Variants in JDP2 observed in about 807,000 individuals in gnomAD.
The protein encoded by JDP2 is Jun dimerization protein 2, also known as progesterone receptor co-activator.
A neutral mutation model predicts 17.1 loss-of-function variants in JDP2; 9 were observed. The ratio of observed to expected loss-of-function variants is 0.53; its 90% confidence interval spans 0.32 to 0.92. The LOEUF (loss-of-function observed/expected upper bound fraction) is 0.92, where lower values mean the gene tolerates loss of function less well. Among genes scored for constraint, JDP2 ranks in the 40% least tolerant of loss-of-function variants. The pLI, the probability that JDP2 is intolerant of heterozygous loss-of-function variation, is 0.04. For missense variants in JDP2, 179 were observed against 220.0 expected, an observed-to-expected ratio of 0.81 and a Z score of 1.18; for synonymous variants, 107 against 95.6, an observed-to-expected ratio of 1.12 and a Z score of -0.69.
chr14:75,465,393 A>G (rs914176544), intron 3 of JDP2, among the ~76,000 whole-genome samples: 3 of 152,198 alleles, frequency 2.0e-5, no homozygotes, highest in Non-Finnish European at 4.4e-5. Flanking sequence ...GTGCAGTAGC[A>G]TAGTCATAGC....
intron 2 of JDP2, among the ~76,000 whole-genome samples, chr14:75,448,822 T>C (rs1242589041): frequency 6.6e-6 from 1 of 152,202 alleles, no homozygotes; most frequent in Non-Finnish European, 1.5e-5. Context: ...TTCTCAGCAG[T>C]TCTGGTCTGA....
chr14:75,461,326 G>T, intron 2 of JDP2, 100 bp from the exon 3 acceptor site: 1 of 826,056 alleles, frequency 1.2e-6, no homozygotes, highest in Non-Finnish European at 2.0e-6. Context: ...GCCGAGATGT[G>T]GGTTAGAAAG....
chr14:75,469,184 A>T (rs982784571), intron 3 of JDP2, 106 bp from the exon 4 acceptor site: 1 of 1,023,230 alleles, frequency 9.8e-7, no homozygotes. Flanking sequence ...CCTGCAGAAA[A>T]CAGGCCAGTG....
chr14:75,437,517 T>A (rs1885123882), intron 1 of JDP2, among the ~76,000 whole-genome samples: 1 of 152,212 alleles, frequency 6.6e-6, no homozygotes, highest in Admixed American at 6.5e-5. Context: ...TGTACAACCT[T>A]AAGCGAATTA....
chr14:75,434,648 T>C (rs1423887673), intron 1 of JDP2, among the ~76,000 whole-genome samples: 3 of 152,076 alleles, frequency 2.0e-5, no homozygotes, highest in African/African-American at 7.3e-5. Context: ...ATTTCTACCA[T>C]CTGTATGAGA....
chr14:75,434,378 A>G (rs963810671), intron 1 of JDP2, among the ~76,000 whole-genome samples: 13 of 152,036 alleles, frequency 8.6e-5, no homozygotes, highest in Non-Finnish European at 1.3e-4. Context: ...TAGGAATGGC[A>G]TGGCTGAGGG....
upstream of JDP2, chr14:75,427,030 TCTAC>T (rs1884557884): frequency 6.6e-6 from 1 of 152,326 alleles, no homozygotes; most frequent in South Asian, 2.1e-4. The surrounding 1 kb of genome is among the most constrained non-coding windows in gnomAD (Gnocchi z 4.4). Context: ...GGAACCCCGT[TCTAC>T]CTGAGGGCTC....
chr14:75,438,290 A>G (rs949606997), intron 2 of JDP2, among the ~76,000 whole-genome samples, 169 bp downstream of exon 2: 1 of 152,202 alleles, frequency 6.6e-6, no homozygotes, highest in African/African-American at 2.4e-5. Flanking sequence ...CTGTATCAGA[A>G]TCTGCATCTT....
chr14:75,446,818 G>A (rs908779057), intron 2 of JDP2, among the ~76,000 whole-genome samples: 85 of 152,184 alleles, frequency 5.6e-4, no homozygotes, highest in Non-Finnish European at 6.9e-4. Flanking sequence ...GTGTGAGTTT[G>A]ATCTCAATAA....
chr14:75,430,888 CTG>C lies in JDP2; in HGVS notation c.-24+2640_-24+2641del, dbSNP rs1884766444. On this transcript the variant is annotated intron_variant, in intron 1 of 3. Coordinates refer to ENST00000651602, the MANE Select transcript of JDP2 (RefSeq NM_001135048.2). The surrounding 1 kb of genome is among the most constrained non-coding windows in gnomAD (Gnocchi z 4.5). The stretch of plus-strand genomic sequence containing the variant: ...GCGACCCAGTCTTGGAATTTTCAGA[CTG>C]TGTTTCTTTACTTATTGCTGGCTGT... Among the ~76,000 whole-genome samples the C allele has an allele frequency of 6.6e-6, 1 of 152,150 alleles. No individual in the cohort carries two copies. The highest frequency in any genetic ancestry group is 1.5e-5 in the Non-Finnish European group (1 of 68,030).
At chr14:75,435,842 C>A in intron 1 of JDP2, among the ~76,000 whole-genome samples, 1 of 152,066 alleles carries the variant, frequency 6.6e-6, no homozygotes, top group South Asian at 2.1e-4. Context: ...ATGGGAGGCA[C>A]AGTAGGTAGA....
chr14:75,452,807 G>A (rs936358708), intron 2 of JDP2, among the ~76,000 whole-genome samples: 1 of 152,150 alleles, frequency 6.6e-6, no homozygotes, highest in South Asian at 2.1e-4. Context: ...GAGGTGATGT[G>A]AGTCTGCAAC....
intron 3 of JDP2, among the ~76,000 whole-genome samples, chr14:75,466,269 T>A (rs1189495552): frequency 6.6e-6 from 1 of 152,180 alleles, no homozygotes; most frequent in Non-Finnish European, 1.5e-5. Flanking sequence ...AGTGAAACCC[T>A]GTCTCTACTA....
intron 3 of JDP2, among the ~76,000 whole-genome samples, chr14:75,466,111 C>A (rs1886559422): frequency 6.6e-6 from 1 of 152,138 alleles, no homozygotes; most frequent in Non-Finnish European, 1.5e-5. Context: ...ACTAATAACT[C>A]TTTGAGTGTG....
At position 75,469,373 on chromosome 14, in the gene JDP2, G is replaced by A; in HGVS notation, c.390G>A (p.Leu130=). ...ELKQERQQLI[L]MLNRHRPTCI... ...AGCAGGAGCGGCAGCAGCTCATCCT[G>A]ATGCTGAACCGACACCGCCCCACCT... Residue 130 remains leucine, a synonymous_variant, in exon 4 of 4, where the codon CTG becomes CTA. Coordinates refer to ENST00000651602, the MANE Select transcript of JDP2 (RefSeq NM_001135048.2). The A allele has an allele frequency of 6.2e-7, 1 of 1,614,168 alleles. No homozygotes were observed. Among genetic ancestry groups the A allele is most frequent in the Non-Finnish European group, 8.5e-7 (1 of 1,180,012 alleles).
rs1404026192 is a variant in JDP2, at chr14:75,470,208, A to G, written c.*733A>G. The G allele has an allele frequency of 2.6e-5, 4 of 151,944 alleles. No individual in the cohort carries two copies. The highest frequency in any genetic ancestry group is 5.9e-5 in the Non-Finnish European group (4 of 67,930). The allele number at this position is 151,944 out of a possible 1,614,324, so 9.4% of individuals were successfully genotyped here. Reference sequence around the variant, plus strand: ...TTTTTTTAATATTTTTTACAAAAAAAAAGATTTTATACAAGCAATATATAT... The same window carrying G: ...TTTTTTTAATATTTTTTACAAAAAAGAAGATTTTATACAAGCAATATATAT... On this transcript the variant is annotated 3_prime_UTR_variant, in exon 4 of 4. Coordinates refer to ENST00000651602, the MANE Select transcript of JDP2 (RefSeq NM_001135048.2).
intron 1 of JDP2, among the ~76,000 whole-genome samples, chr14:75,433,127 G>A (rs1339007384): frequency 4.2e-5 from 6 of 141,414 alleles, no homozygotes; most frequent in African/African-American, 5.1e-5. Context: ...CCCGGGAGGC[G>A]GAGGTTGCGG....
At chr14:75,441,036 C>T (rs540397412) in intron 2 of JDP2, among the ~76,000 whole-genome samples, 21 of 152,134 alleles carry the variant, frequency 1.4e-4, no homozygotes, top group Non-Finnish European at 1.6e-4. Context: ...TGAACCTGGC[C>T]GCAGAATGTT....
Position 75,469,701 on chromosome 14 carries a change from T to C in JDP2, c.*226T>C, listed in dbSNP as rs1459929679. On this transcript the variant is annotated 3_prime_UTR_variant, in exon 4 of 4. Coordinates refer to ENST00000651602, the MANE Select transcript of JDP2 (RefSeq NM_001135048.2). ...GAGGGACCAAGCGCTGAGACCAAAG[T>C]TGACCCTCGGGTAGGGTTGTCCTGC... The C allele has an allele frequency of 3.8e-6, 2 of 530,118 alleles. No individual in the cohort carries two copies. Among genetic ancestry groups the C allele is most frequent in the East Asian group, 6.5e-5 (2 of 30,616 alleles). The allele number at this position is 530,118 out of a possible 1,614,324, so 32.8% of individuals were successfully genotyped here. A position where few individuals can be genotyped will look rare whatever the true frequency, so the allele number is the denominator to read the frequency against.
Sources: allele counts gnomAD v4.1 joint callset (sites outside exome capture counted in the v4.1 genomes callset), GRCh38; gene constraint gnomAD v4.1.1; non-coding constraint Gnocchi (gnomAD v3.1); transcripts MANE v1.5; gene names NCBI Gene and HGNC (gene_info 2026-07-23, HGNC 2026-07-21).